Variants in KIT observed in about 807,000 individuals in gnomAD.
KIT encodes the protein KIT proto-oncogene, receptor tyrosine kinase.
KIT carries 16 observed loss-of-function variants against 105.7 expected under a neutral mutation model. That is an observed-to-expected ratio of 0.15 (90% CI 0.10 to 0.23). KIT has a LOEUF of 0.23. Among genes scored for constraint, KIT ranks in the 10% least tolerant of loss-of-function variants. KIT has a pLI of 1.00. For missense variants in KIT, 858 were observed against 1,213.8 expected (o/e 0.71, Z 4.36); for synonymous variants, 438 against 441.1 (o/e 0.99, Z 0.09).
Position 54,698,275 on chromosome 4 carries a change from C to T in KIT, c.338-9C>T. 1 of 1,612,790 alleles carries T rather than the reference C, an allele frequency of 6.2e-7. No individual in the cohort carries two copies. The highest frequency in any genetic ancestry group is 8.5e-7 in the Non-Finnish European group (1 of 1,179,264). On this transcript the variant is annotated splice_polypyrimidine_tract_variant and intron_variant, in intron 2 of 20. Coordinates refer to ENST00000288135, the MANE Select transcript of KIT (RefSeq NM_000222.3). ...ATTCCAACTACTGATTTTGGATATG[C>T]TTCTATAGATCCTGCCAAGCTTTTC... is the stretch of plus-strand genomic sequence containing the variant.
chr4:54,728,135 C>A lies in KIT; in HGVS notation c.1990+14C>A, dbSNP rs1477833485. 1 of 1,554,502 alleles carries A rather than the reference C, an allele frequency of 6.4e-7. No homozygotes were observed. Among genetic ancestry groups the A allele is most frequent in the Non-Finnish European group, 8.9e-7 (1 of 1,125,864 alleles). ...GCACCATTGGAGGTAAAGCCGTGTC[C>A]AAGCTGCCTTTTATTGTCTGTCAGG... On this transcript the variant is annotated intron_variant, in intron 13 of 20. Transcript: ENST00000288135.
intron 7 of KIT, 122 bp downstream of exon 7, chr4:54,709,661 C>A: frequency 1.4e-6 from 1 of 729,266 alleles, no homozygotes. Flanking sequence ...TAATCTTGAC[C>A]TTCACAGAGA....
At chr4:54,663,971 G>A (rs77115500) in intron 1 of KIT, among the ~76,000 whole-genome samples, 3,647 of 152,142 alleles carry the variant, frequency 0.024, 71 homozygotes, top group Middle Eastern at 0.034. Context: ...GGGGGTGGAG[G>A]AGGGCCAGGG....
chr4:54,735,114 C>A (rs1278218992), intron 17 of KIT, among the ~76,000 whole-genome samples: 1 of 152,050 alleles, frequency 6.6e-6, no homozygotes, highest in African/African-American at 2.4e-5. Flanking sequence ...ATGACAAAGT[C>A]ACAGGTACAG....
chr4:54,729,135 G>C lies in KIT; in HGVS notation c.1991-200G>C, dbSNP rs553407471. On this transcript the variant is annotated intron_variant, in intron 13 of 20. Coordinates refer to ENST00000288135, the MANE Select transcript of KIT (RefSeq NM_000222.3). Reference sequence around the variant, plus strand: ...CACTTAGAAATTCAGGTTAAAAGAGGCTTGCTTGTTTTATGTTACTCCACA... The same window carrying C: ...CACTTAGAAATTCAGGTTAAAAGAGCCTTGCTTGTTTTATGTTACTCCACA... Among the ~76,000 whole-genome samples the C allele has an allele frequency of 6.6e-5, 10 of 152,234 alleles. No homozygotes were observed. The East Asian group carries it at 1.5e-3, about 24-fold the overall frequency.
At chr4:54,700,723 G>T (rs1354789457) in intron 4 of KIT, among the ~76,000 whole-genome samples, 1 of 152,132 alleles carries the variant, frequency 6.6e-6, no homozygotes, top group Non-Finnish European at 1.5e-5. Context: ...TTTTATGCCT[G>T]TTTAAAAAAC....
rs184278308 is a variant in KIT, at chr4:54,663,086, T to A, written c.67+5005T>A. On this transcript the variant is annotated intron_variant, in intron 1 of 20. Coordinates refer to ENST00000288135, the MANE Select transcript of KIT (RefSeq NM_000222.3). ...TCATCTTATGTTTTAGCTTTCATGC[T>A]TACATTTTGGTTATGACACACTTTT... Among the ~76,000 whole-genome samples, 412 of 152,274 alleles carry A rather than the reference T, an allele frequency of 2.7e-3. 8 individuals are homozygous for A. The highest frequency in any genetic ancestry group is 1.0e-3 in the South Asian group (5 of 4,816).
chr4:54,681,189 C>G (rs182922999), intron 1 of KIT, among the ~76,000 whole-genome samples: 1 of 150,030 alleles, frequency 6.7e-6, no homozygotes, highest in Non-Finnish European at 1.5e-5. Context: ...TATTGGATTC[C>G]AATCCTTAGT....
At chr4:54,668,433 A>G (rs779932011) in intron 1 of KIT, among the ~76,000 whole-genome samples, 2 of 152,218 alleles carry the variant, frequency 1.3e-5, no homozygotes, top group Non-Finnish European at 2.9e-5. Flanking sequence ...ATTTGGGTTT[A>G]CCCCAGGTAA....
At chr4:54,680,369 G>C (rs1718814680) in intron 1 of KIT, among the ~76,000 whole-genome samples, 1 of 141,328 alleles carries the variant, frequency 7.1e-6, no homozygotes, top group East Asian at 2.1e-4. Flanking sequence ...TTTATGTCTT[G>C]AAGTTTTCAT....
intron 1 of KIT, among the ~76,000 whole-genome samples, chr4:54,685,359 C>T (rs544226795): frequency 3.3e-5 from 5 of 152,272 alleles, no homozygotes; most frequent in Admixed American, 2.6e-4. Flanking sequence ...AATCTATTGG[C>T]ACCCCATCTC....
chr4:54,700,755 T>C (rs1171611272), intron 4 of KIT, among the ~76,000 whole-genome samples: 1 of 152,246 alleles, frequency 6.6e-6, no homozygotes, highest in Non-Finnish European at 1.5e-5. Flanking sequence ...CAAATAACCA[T>C]GGTGATTGCC....
At chr4:54,702,257 GTAGGTACA>G (rs1252423501) in intron 4 of KIT, among the ~76,000 whole-genome samples, 1 of 151,964 alleles carries the variant, frequency 6.6e-6, no homozygotes, top group African/African-American at 2.4e-5. Context: ...AAATTTTCTA[GTAGGTACA>G]TTACAAAAAA....
intron 7 of KIT, among the ~76,000 whole-genome samples, chr4:54,718,808 A>T (rs1449166355): frequency 6.6e-6 from 1 of 152,236 alleles, no homozygotes; most frequent in Non-Finnish European, 1.5e-5. Context: ...TAGTGTCCAT[A>T]TGCCAATTTC....
intron 7 of KIT, 27 bp from the exon 8 acceptor site, chr4:54,723,557 C>T (rs1722021615): frequency 2.1e-6 from 3 of 1,457,500 alleles, no homozygotes; most frequent in Non-Finnish European, 2.9e-6. Context: ...AGCACTCTGA[C>T]ATATGGCCAT....
At chr4:54,715,891 A>T (rs1042025858) in intron 7 of KIT, among the ~76,000 whole-genome samples, 1 of 152,200 alleles carries the variant, frequency 6.6e-6, no homozygotes, top group African/African-American at 2.4e-5. Flanking sequence ...GCCTGCAAGG[A>T]CTGCTCAGAT....
chr4:54,693,199 G>A (rs1356972826), intron 1 of KIT, among the ~76,000 whole-genome samples: 1 of 152,198 alleles, frequency 6.6e-6, no homozygotes. Context: ...TTGTACTTTA[G>A]AATTTCCAGC....
intron 1 of KIT, among the ~76,000 whole-genome samples, chr4:54,681,486 T>C (rs1027753533): frequency 1.3e-5 from 2 of 151,830 alleles, no homozygotes; most frequent in African/African-American, 2.4e-5. Flanking sequence ...AAAGGGGAGG[T>C]CTTTCCTCAA....
chr4:54,726,055 ATTTC>A lies in KIT; in HGVS notation c.1540+9_1540+12del. 1 of 1,610,804 alleles carries A rather than the reference ATTTC, an allele frequency of 6.2e-7. No homozygotes were observed. The highest frequency in any genetic ancestry group is 8.5e-7 in the Non-Finnish European group (1 of 1,177,026). ...CATTTAAAGGTAACAACAAAGGTAT[ATTTC>A]TTTTTAATCCAATTTAAGGGGATGT... On this transcript the variant is annotated splice_donor_region_variant and intron_variant, in intron 9 of 20. Transcript: ENST00000288135.
Sources: gnomAD v4.1 joint callset for allele counts (sites outside exome capture counted in the v4.1 genomes callset) on GRCh38, gnomAD v4.1.1 for gene constraint, MANE v1.5 for transcripts, NCBI Gene and HGNC (gene_info 2026-07-23, HGNC 2026-07-21) for gene names.